The following RIMS2 variants were observed in gnomAD, a reference collection of about 807,000 sequenced individuals.
The protein encoded by RIMS2 is regulating synaptic membrane exocytosis protein 2.
In RIMS2, 59 loss-of-function variants were observed where a neutral mutation model predicts 174.4. The observed-to-expected ratio is 0.34, with a 90% confidence interval of 0.27 to 0.42. The LOEUF (loss-of-function observed/expected upper bound fraction) is 0.42. Among genes scored for constraint, RIMS2 ranks in the 10% least tolerant of loss-of-function variants. The probability of loss-of-function intolerance (pLI) is 1.00; values close to 1 mark genes in which losing one functional copy is unlikely to be tolerated. For missense variants in RIMS2, 1,620 were observed against 1,666.3 expected (o/e 0.97, Z 0.48); for synonymous variants, 606 against 572.5 (o/e 1.06, Z -0.84).
At chr8:104,082,640 T>C (rs1445432020) in intron 19 of RIMS2, among the ~76,000 whole-genome samples, 1 of 152,118 alleles carries the variant, frequency 6.6e-6, no homozygotes, top group Admixed American at 6.6e-5. Context: ...GTGGAGAACT[T>C]TGAATCTCTC....
intron 15 of RIMS2, among the ~76,000 whole-genome samples, chr8:103,961,975 G>C (rs971105925): frequency 3.9e-5 from 6 of 152,064 alleles, no homozygotes; most frequent in Non-Finnish European, 8.8e-5. Flanking sequence ...TACTCTTCAT[G>C]TATTGTGGTT....
chr8:103,912,444 G>A (rs1040851274), intron 6 of RIMS2, among the ~76,000 whole-genome samples: 62 of 151,998 alleles, frequency 4.1e-4, no homozygotes, highest in African/African-American at 7.7e-4. Flanking sequence ...AAATACAGTG[G>A]TCGAATGTAT....
At chr8:103,688,911 T>G (rs2096976956) in intron 1 of RIMS2, among the ~76,000 whole-genome samples, 1 of 152,104 alleles carries the variant, frequency 6.6e-6, no homozygotes, top group Non-Finnish European at 1.5e-5. Context: ...AGTTTGTTCT[T>G]CTTTTCGTAG....
rs368862161 is a variant in RIMS2 at position 103,740,466 on chromosome 8, A to T, written c.388-25761A>T. ...TTATGACTTGCTCAGAAAATATTGT[A>T]CACTTTAGCTCAATGGAAGATGGTT... On this transcript the variant is annotated intron_variant, in intron 2 of 23. Transcript: ENST00000504942. Among the ~76,000 whole-genome samples the T allele has an allele frequency of 2.9e-4, 44 of 152,276 alleles. No homozygotes were observed. In the East Asian group the frequency reaches 3.7e-3, roughly 13 times the overall value.
downstream of RIMS2, chr8:104,255,258 TTTG>T (rs1021696127): frequency 2.0e-5 from 3 of 149,860 alleles, no homozygotes; most frequent in Admixed American, 2.0e-4. Context: ...ATTCCTGTTC[TTTG>T]TTGTTCATAT....
intron 3 of RIMS2, among the ~76,000 whole-genome samples, chr8:103,838,497 T>G (rs963578376): frequency 6.6e-6 from 1 of 152,208 alleles, no homozygotes; most frequent in Non-Finnish European, 1.5e-5. Flanking sequence ...TAATTTATTT[T>G]CCATATTGGT....
At chr8:104,013,962 A>T (rs1271993256) in intron 18 of RIMS2, among the ~76,000 whole-genome samples, 1 of 152,312 alleles carries the variant, frequency 6.6e-6, no homozygotes, top group Middle Eastern at 3.4e-3. Flanking sequence ...CATCATAATG[A>T]TTATAAATAA....
At chr8:104,125,254 TTGAC>T (rs2098419360) in intron 19 of RIMS2, among the ~76,000 whole-genome samples, 1 of 152,184 alleles carries the variant, frequency 6.6e-6, no homozygotes, top group African/African-American at 2.4e-5. Flanking sequence ...TAAATGACAA[TTGAC>T]TGAGCGATAT....
At chr8:103,661,539 T>C (rs1218520160) in intron 1 of RIMS2, among the ~76,000 whole-genome samples, 1 of 152,194 alleles carries the variant, frequency 6.6e-6, no homozygotes, top group Non-Finnish European at 1.5e-5. Context: ...AGTCTCGCTC[T>C]GTCACCCAGG....
chr8:103,878,062 C>T (rs1254260471), intron 3 of RIMS2, among the ~76,000 whole-genome samples: 1 of 151,702 alleles, frequency 6.6e-6, no homozygotes, highest in Non-Finnish European at 1.5e-5. Context: ...GGTGGTTTCT[C>T]CTATGCTGTT....
At chr8:104,175,835 G>A (rs1416930772) in intron 19 of RIMS2, among the ~76,000 whole-genome samples, 2 of 152,120 alleles carry the variant, frequency 1.3e-5, no homozygotes, top group East Asian at 1.9e-4. Flanking sequence ...AAAGATGCAG[G>A]TTGTCACAGT....
intron 3 of RIMS2, among the ~76,000 whole-genome samples, chr8:103,810,787 A>G (rs2098681891): frequency 6.6e-6 from 1 of 152,144 alleles, no homozygotes; most frequent in Non-Finnish European, 1.5e-5. Context: ...GGGAGAAAAG[A>G]TCCCTCACCG....
At chr8:103,594,884 A>G (rs1245757317) in intron 1 of RIMS2, among the ~76,000 whole-genome samples, 1 of 151,756 alleles carries the variant, frequency 6.6e-6, no homozygotes, top group African/African-American at 2.4e-5. Flanking sequence ...GACATGGGAG[A>G]AAGTCCATGA....
At chr8:103,829,172 C>T (rs1420901528) in intron 3 of RIMS2, among the ~76,000 whole-genome samples, 2 of 149,032 alleles carry the variant, frequency 1.3e-5, no homozygotes, top group Non-Finnish European at 3.0e-5. Context: ...TAGAGAAATG[C>T]AAAGCAAAAC....
intron 1 of RIMS2, among the ~76,000 whole-genome samples, chr8:103,522,059 T>G (rs2130499397): frequency 6.6e-6 from 1 of 152,210 alleles, no homozygotes; most frequent in South Asian, 2.1e-4. Flanking sequence ...CAAAGTATTT[T>G]CCTAAATGGA....
At chr8:103,977,134 T>C (rs975591782) in intron 16 of RIMS2, 1 of 152,214 alleles carries the variant, frequency 6.6e-6, no homozygotes, top group African/African-American at 2.4e-5. Flanking sequence ...AATATTGGAA[T>C]GTCTAAGACA....
intron 2 of RIMS2, among the ~76,000 whole-genome samples, chr8:103,758,446 C>T (rs983476302): frequency 1.3e-5 from 2 of 152,180 alleles, no homozygotes; most frequent in Non-Finnish European, 2.9e-5. Flanking sequence ...TTGCCCAAGC[C>T]TACAGCTTCT....
At position 103,894,718 on chromosome 8, in the gene RIMS2, A is replaced by G. The variant is rs73293855; in HGVS notation, c.1624+8495A>G. On this transcript the variant is annotated intron_variant, in intron 4 of 23. Transcript: ENST00000504942. The stretch of plus-strand genomic sequence containing the variant: ...TGTATAGGTCTATATTTCAAAAATT[A>G]TAGTCAATTATTATTTTATATTTTA... Among the ~76,000 whole-genome samples the G allele has an allele frequency of 4.8e-3, 733 of 151,764 alleles. 36 individuals are homozygous for G. Among genetic ancestry groups the G allele is most frequent in the African/African-American group, 0.017 (686 of 41,152 alleles).
chr8:103,819,217 T>C (rs536858457), intron 3 of RIMS2: 1 of 1,228,820 alleles, frequency 8.1e-7, no homozygotes, highest in African/African-American at 1.6e-5. Context: ...GCAGCTCAGC[T>C]TCACACTTCA....
Sources: gnomAD v4.1 joint callset for allele counts (sites outside exome capture counted in the v4.1 genomes callset) on GRCh38, gnomAD v4.1.1 for gene constraint, MANE v1.5 for transcripts, NCBI Gene and HGNC (gene_info 2026-07-23, HGNC 2026-07-21) for gene names.